The following STON2 variants were observed in gnomAD, a reference collection of about 807,000 sequenced individuals.
STON2 encodes the protein stonin-2.
In STON2, 29 loss-of-function variants were observed where a neutral mutation model predicts 65.7. The observed-to-expected ratio is 0.44, with a 90% CI of 0.33 to 0.60. The LOEUF is 0.60. Among genes scored for constraint, STON2 ranks in the 20% least tolerant of loss-of-function variants. The probability of loss-of-function intolerance (pLI) is 0.03; values close to 1 mark genes in which losing one functional copy is unlikely to be tolerated. For missense variants in STON2, 1,054 were observed against 1,118.1 expected, an observed-to-expected ratio of 0.94 and a Z score of 0.82; for synonymous variants, 404 against 414.2, an observed-to-expected ratio of 0.98 and a Z score of 0.30.
Position 81,263,561 on chromosome 14 carries a change from C to T in STON2, c.*4853G>A, listed in dbSNP as rs375975324. ...TCAAAAAAAAAAAAAAAAAAAAAAA[C>T]AAAAAAGAAAATGCTATTTTTTGGC... On this transcript the variant is annotated 3_prime_UTR_variant, in exon 8 of 8. Transcript: ENST00000614646. The T allele has an allele frequency of 2.4e-5, 3 of 124,392 alleles. No individual in the cohort carries two copies. Among genetic ancestry groups the T allele is most frequent in the African/African-American group, 9.3e-5 (3 of 32,260 alleles). The allele number at this position is 124,392 out of a possible 1,614,324, so 7.7% of individuals were successfully genotyped here.
intron 2 of STON2, among the ~76,000 whole-genome samples, chr14:81,412,271 A>G: frequency 7.1e-6 from 1 of 140,296 alleles, no homozygotes; most frequent in East Asian, 2.5e-4. Context: ...CTGGAATTAA[A>G]GCAAACAATT....
chr14:81,426,728 T>C (rs949746793), intron 2 of STON2, among the ~76,000 whole-genome samples: 4 of 152,222 alleles, frequency 2.6e-5, no homozygotes, highest in African/African-American at 7.2e-5. Flanking sequence ...ACAGTTTCTC[T>C]CATGTTCATT....
intron 5 of STON2, among the ~76,000 whole-genome samples, chr14:81,294,175 A>G (rs1243616872): frequency 6.6e-6 from 1 of 152,206 alleles, no homozygotes; most frequent in East Asian, 1.9e-4. Context: ...TTGTCTAACT[A>G]TTGAGCAAAA....
At chr14:81,367,253 A>C (rs1180655315) in intron 4 of STON2, among the ~76,000 whole-genome samples, 1 of 151,888 alleles carries the variant, frequency 6.6e-6, no homozygotes, top group Non-Finnish European at 1.5e-5. Context: ...ATCTTGGCTC[A>C]CTGCAGCCTC....
rs1894167695 is a variant in STON2 at position 81,261,967 on chromosome 14, G to C, written c.*6447C>G. ...GATAAAAAAAAAAAAAAAAAAGAGA[G>C]AGATGTGAAAAGGAAAAAGATGGAC... On this transcript the variant is annotated 3_prime_UTR_variant, in exon 8 of 8. Transcript: ENST00000614646. 2 of 1,384,782 alleles carry C rather than the reference G, an allele frequency of 1.4e-6. No individual in the cohort carries two copies. The highest frequency in any genetic ancestry group is 1.9e-6 in the Non-Finnish European group (2 of 1,060,540). 85.8% of individuals were successfully genotyped at this position (1,384,782 alleles called of 1,614,324 possible). A position where few individuals can be genotyped will look rare whatever the true frequency, so the allele number is the denominator to read the frequency against.
chr14:81,325,970 TC>T (rs1896991499), intron 4 of STON2, among the ~76,000 whole-genome samples: 1 of 151,962 alleles, frequency 6.6e-6, no homozygotes, highest in African/African-American at 2.4e-5. Flanking sequence ...ACGAATTTCT[TC>T]CCTCTTCCAG....
intron 4 of STON2, among the ~76,000 whole-genome samples, chr14:81,335,448 A>C (rs1460328720): frequency 6.6e-6 from 1 of 152,194 alleles, no homozygotes; most frequent in East Asian, 1.9e-4. Flanking sequence ...GGATGGTCTG[A>C]AGAGATGCAT....
chr14:81,383,308 ACCT>A (rs796634870), intron 3 of STON2, among the ~76,000 whole-genome samples: 56 of 152,236 alleles, frequency 3.7e-4, no homozygotes, highest in African/African-American at 1.2e-3. Flanking sequence ...GAGAGTACAA[ACCT>A]CCTAAGGGGA....
intron 4 of STON2, among the ~76,000 whole-genome samples, chr14:81,369,348 A>G (rs1167323481): frequency 6.6e-6 from 1 of 152,196 alleles, no homozygotes; most frequent in Non-Finnish European, 1.5e-5. Context: ...GTGGAGGCAG[A>G]CTAATAATGT....
intron 4 of STON2, among the ~76,000 whole-genome samples, chr14:81,336,877 G>A (rs928703525): frequency 3.3e-5 from 5 of 152,182 alleles, no homozygotes; most frequent in Admixed American, 6.5e-5. Flanking sequence ...AACCTCAGAT[G>A]AGTGATCAGC....
intron 6 of STON2, among the ~76,000 whole-genome samples, chr14:81,273,482 T>C (rs111788086): frequency 1.3e-5 from 2 of 152,188 alleles, no homozygotes; most frequent in African/African-American, 4.8e-5. Flanking sequence ...GGACAGAATG[T>C]TTTATTTCCT....
chr14:81,373,246 C>T (rs979545794), intron 3 of STON2, among the ~76,000 whole-genome samples: 7 of 152,014 alleles, frequency 4.6e-5, no homozygotes, highest in African/African-American at 1.5e-4. Context: ...AGAAGCACCA[C>T]AAATCATTCC....
chr14:81,435,691 A>G (rs761531604), intron 1 of STON2, among the ~76,000 whole-genome samples: 1 of 149,476 alleles, frequency 6.7e-6, no homozygotes, highest in Non-Finnish European at 1.5e-5. Flanking sequence ...GCACGAATGC[A>G]CACACACGCA....
At chr14:81,391,584 T>C (rs1419976613) in intron 3 of STON2, among the ~76,000 whole-genome samples, 1 of 152,166 alleles carries the variant, frequency 6.6e-6, no homozygotes, top group Non-Finnish European at 1.5e-5. Context: ...TTAGTTTGGG[T>C]AATAGGAATG....
intron 3 of STON2, among the ~76,000 whole-genome samples, chr14:81,390,514 G>A (rs950628576): frequency 1.3e-5 from 2 of 151,740 alleles, no homozygotes; most frequent in Admixed American, 6.6e-5. Flanking sequence ...TCGTGAGCTG[G>A]GATCGCGCCA....
rs556073185 is a variant in STON2 at position 81,264,116 on chromosome 14, G to A, written c.*4298C>T. 1 of 985,396 alleles carries A rather than the reference G, an allele frequency of 1.0e-6. No individual in the cohort carries two copies. Among genetic ancestry groups the A allele is most frequent in the South Asian group, 4.7e-5 (1 of 21,288 alleles). 61.0% of individuals were successfully genotyped at this position (985,396 alleles called of 1,614,324 possible). ...TCAGGCTCATGGATCTGTTTGACTTGCAGGAACAAAGCAATCAATCACCGT... is the reference window on the plus strand; with the variant it reads ...TCAGGCTCATGGATCTGTTTGACTTACAGGAACAAAGCAATCAATCACCGT... On this transcript the variant is annotated 3_prime_UTR_variant, in exon 8 of 8. Transcript: ENST00000614646.
At position 81,277,765 on chromosome 14, in the gene STON2, G is replaced by A; in HGVS notation, c.1717C>T (p.Pro573Ser). 6.2e-7 allele frequency: 1 copy of A among 1,614,186 alleles called. No homozygotes were observed. Among genetic ancestry groups the A allele is most frequent in the Non-Finnish European group, 8.5e-7 (1 of 1,180,024 alleles). Residue 573 changes from proline (P) to serine (S), a missense_variant, in exon 6 of 8, where the codon CCT becomes TCT. Coordinates refer to ENST00000614646, the MANE Select transcript of STON2 (RefSeq NM_001394390.1). ...CTCTCTGCTGTGTGGGCCACAGCAG[G>A]TTTGGGCTGGTATTTCTTCTTCTCT... The part of the protein sequence containing the change: ...YKEKKKYQPK[P>S]AVAHTAEREQ...
intron 2 of STON2, among the ~76,000 whole-genome samples, chr14:81,418,416 G>T (rs1901543305): frequency 6.6e-6 from 1 of 152,144 alleles, no homozygotes; most frequent in African/African-American, 2.4e-5. Flanking sequence ...TTTGGGTGGG[G>T]ACACAGCCAA....
At chr14:81,292,644 C>T (rs1290299458) in intron 5 of STON2, among the ~76,000 whole-genome samples, 11 of 152,148 alleles carry the variant, frequency 7.2e-5, no homozygotes, top group Non-Finnish European at 1.2e-4. Context: ...TTCCTGAGGC[C>T]TCCCCAACCC....
Sources: allele counts gnomAD v4.1 joint callset (sites outside exome capture counted in the v4.1 genomes callset), GRCh38; gene constraint gnomAD v4.1.1; transcripts MANE v1.5; gene names NCBI Gene and HGNC (gene_info 2026-07-23, HGNC 2026-07-21).